Variants in LCT observed in about 807,000 individuals in gnomAD.
LCT encodes lactase/phlorizin hydrolase.
Under a neutral mutation model 173.0 loss-of-function variants are expected in LCT, and 90 were observed. That is an observed-to-expected ratio of 0.52 (90% CI 0.44 to 0.62). The LOEUF is 0.62. LCT is among the 20% of genes least tolerant of loss of function. The pLI is 0.00. For synonymous variants in LCT, 853 were observed against 957.6 expected (o/e 0.89, Z 2.02); for missense variants, 1,864 against 2,431.4 (o/e 0.77, Z 4.91).
intron 6 of LCT, among the ~76,000 whole-genome samples, chr2:135,815,369 T>A (rs1376370277): frequency 6.6e-6 from 1 of 151,726 alleles, no homozygotes; most frequent in African/African-American, 2.4e-5. Context: ...AAGGTTTAGA[T>A]AAGTTTTACA....
chr2:135,805,074 A>G lies in LCT; in HGVS notation c.4174-17T>C, dbSNP rs2077658861. 5.6e-6 allele frequency: 9 copies of G among 1,613,156 alleles called. No individual in the cohort carries two copies. The highest frequency in any genetic ancestry group is 1.3e-5 in the African/African-American group (1 of 74,906). On this transcript the variant is annotated splice_polypyrimidine_tract_variant and intron_variant, in intron 9 of 16. Transcript: ENST00000264162. Reference sequence around the variant, plus strand: ...ACCTTCAATCTCAAGATGACAAGACATGGTCTTATTAAGTCATTCAGTCAA... The same window carrying G: ...ACCTTCAATCTCAAGATGACAAGACGTGGTCTTATTAAGTCATTCAGTCAA...
intron 1 of LCT, among the ~76,000 whole-genome samples, chr2:135,834,098 T>A (rs2077963033): frequency 2.0e-5 from 3 of 152,198 alleles, no homozygotes; most frequent in Admixed American, 1.3e-4. Flanking sequence ...CTATGCCACG[T>A]CTCGTTTATC....
In LCT at chr2:135,824,647, G is replaced by T. The variant is rs1462504291; in HGVS notation, c.805-644C>A. Among the ~76,000 whole-genome samples the T allele has an allele frequency of 2.0e-5, 3 of 152,222 alleles. No individual in the cohort carries two copies. In the East Asian group the frequency reaches 5.8e-4, roughly 29 times the overall value. On this transcript the variant is annotated intron_variant, in intron 3 of 16. Coordinates refer to ENST00000264162, the MANE Select transcript of LCT (RefSeq NM_002299.4). ...AATAATAGCTCTTGCAGCTGGAGAT[G>T]GCTTCGTAGGGGTTCATCATTCTTT...
Position 135,809,076 on chromosome 2 carries a change from A to G in LCT, c.3271T>C (p.Tyr1091His). The stretch of plus-strand genomic sequence containing the variant: ...TTGATGACGGCGTGGGCTATCCTAT[A>G]TGGTGCCCAGCCTGGGTCCTTCACC... The part of the protein sequence containing the change: ...PGVKDPGWAP[Y>H]RIAHAVIKAH... The change falls in exon 8 of 17, where the codon TAT becomes CAT. Residue 1091 changes from tyrosine to histidine, a missense_variant. This residue lies in a region of LCT where 755 missense variants were observed against 926.3 expected (regional missense o/e 0.82). Transcript: ENST00000264162. This position sits in a 1 kb window ranked among gnomAD's most constrained non-coding sequence, Gnocchi z 5.5. 6.2e-7 allele frequency: 1 copy of G among 1,613,828 alleles called. No homozygotes were observed.
At chr2:135,810,088 T>G in intron 7 of LCT, 95 bp from the exon 8 acceptor site, 1 of 834,526 alleles carries the variant, frequency 1.2e-6, no homozygotes, top group East Asian at 2.7e-5. Flanking sequence ...CTCAAACTCC[T>G]GGACTCAAGT....
At chr2:135,834,954 A>G (rs2077973737) in intron 1 of LCT, among the ~76,000 whole-genome samples, 1 of 152,102 alleles carries the variant, frequency 6.6e-6, no homozygotes. Context: ...GTAATTTTAT[A>G]ACTGTTCGTA....
intron 11 of LCT, among the ~76,000 whole-genome samples, chr2:135,801,720 C>T (rs1320472761): frequency 6.6e-6 from 1 of 151,380 alleles, no homozygotes; most frequent in Non-Finnish European, 1.5e-5. Flanking sequence ...ACTGCAGGCG[C>T]ATGCCACCAC....
rs1191590708 is a variant in LCT, at chr2:135,836,936, ACTG to A, written c.231_233del (p.Ser78del). 3.1e-6 allele frequency: 5 copies of A among 1,614,028 alleles called. No homozygotes were observed. The African/African-American group carries it at 6.7e-5, about 22-fold the overall frequency. On this transcript the variant is annotated inframe_deletion, in exon 1 of 17. Coordinates refer to ENST00000264162, the MANE Select transcript of LCT (RefSeq NM_002299.4). Reference sequence around the variant, plus strand: ...AATGGGTGATCTGACTGGCATGGAGACTGCTGAAGTATTCTGGCAGGAAAGTGG... The same window carrying A: ...AATGGGTGATCTGACTGGCATGGAGACTGAAGTATTCTGGCAGGAAAGTGG...
intron 2 of LCT, among the ~76,000 whole-genome samples, chr2:135,829,983 G>A (rs1011464354): frequency 2.0e-5 from 3 of 152,196 alleles, no homozygotes; most frequent in African/African-American, 7.2e-5. Flanking sequence ...GCGTGAAGGA[G>A]TGTGTATGCC....
chr2:135,809,116 C>G lies in LCT; in HGVS notation c.3231G>C (p.Gly1077=). The change falls in exon 8 of 17, where the codon GGG becomes GGC. Residue 1077 remains glycine (G), a synonymous_variant. Transcript: ENST00000264162. The surrounding 1 kb of genome is among the most constrained non-coding windows in gnomAD (Gnocchi z 5.5). ...GGTCCTTCACCCCTGGGGGAAATTCCCCTGAGCCATAACCTAGCCATGCCA... is the reference window on the plus strand; with the variant it reads ...GGTCCTTCACCCCTGGGGGAAATTCGCCTGAGCCATAACCTAGCCATGCCA... ...MYLAWLGYGS[G]EFPPGVKDPG... 2 of 1,614,142 alleles carry G rather than the reference C, an allele frequency of 1.2e-6. No homozygotes were observed. Among genetic ancestry groups the G allele is most frequent in the Non-Finnish European group, 1.7e-6 (2 of 1,180,028 alleles).
chr2:135,826,945 A>G (rs2077893803), intron 3 of LCT, among the ~76,000 whole-genome samples: 1 of 152,064 alleles, frequency 6.6e-6, no homozygotes, highest in South Asian at 2.1e-4. Flanking sequence ...TACCACCCTC[A>G]TTATCATGTT....
In LCT at chr2:135,794,711, T is replaced by A; in HGVS notation, c.5041A>T (p.Asn1681Tyr). 1 of 1,614,150 alleles carries A rather than the reference T, an allele frequency of 6.2e-7. No homozygotes were observed. The highest frequency in any genetic ancestry group is 8.5e-7 in the Non-Finnish European group (1 of 1,179,982). ...INGTYDFFGF[N>Y]HYTTVLAYNL... ...TAGGCGAGGACAGTGGTGTAGTGAT[T>A]GAACCCAAAAAAGTCATAGGTGCCG... The change falls in exon 14 of 17, where the codon AAT (asparagine) becomes TAT (tyrosine). Residue 1681 changes from asparagine (N) to tyrosine (Y), a missense_variant. Physicochemically the swap from Asn to Tyr is moderately radical, Grantham distance 143. Around this residue, in one of 4 missense-constraint regions of LCT, gnomAD observed 514 missense variants for 750.1 expected, o/e 0.69. Coordinates refer to ENST00000264162, the MANE Select transcript of LCT (RefSeq NM_002299.4).
At chr2:135,832,095 A>G (rs1011760979) in intron 2 of LCT, among the ~76,000 whole-genome samples, 1 of 152,072 alleles carries the variant, frequency 6.6e-6, no homozygotes, top group Admixed American at 6.6e-5. Context: ...GCACACCTGT[A>G]ATCCCAGCTA....
chr2:135,805,197 G>A, intron 9 of LCT, 140 bp from the exon 10 acceptor site: 1 of 873,120 alleles, frequency 1.1e-6, no homozygotes, highest in Admixed American at 2.0e-5. Flanking sequence ...ATTGGTCCAT[G>A]TGTGGTGGCT....
Position 135,804,044 on chromosome 2 carries a change from C to T in LCT, c.4549G>A (p.Glu1517Lys). ...CTCTGGAAGAGCACATCTGCATACT[C>T]CTTAAACCGCTGCACGATGGTCTCA... ...ENETIVQRFK[E>K]YADVLFQRLG... The change falls in exon 11 of 17, where the codon GAG becomes AAG. Residue 1517 changes from glutamate to lysine, a missense_variant. Transcript: ENST00000264162. The T allele has an allele frequency of 6.2e-7, 1 of 1,614,088 alleles. No individual in the cohort carries two copies. The highest frequency in any genetic ancestry group is 8.5e-7 in the Non-Finnish European group (1 of 1,179,946).
At chr2:135,821,948 T>C (rs953398162) in intron 5 of LCT, 72 bp downstream of exon 5, 2 of 923,220 alleles carry the variant, frequency 2.2e-6, no homozygotes, top group Non-Finnish European at 3.6e-6. Context: ...CCTATAAGAT[T>C]ATACATGTAA....
intron 9 of LCT, among the ~76,000 whole-genome samples, chr2:135,806,220 T>A (rs951682439): frequency 6.6e-6 from 1 of 151,990 alleles, no homozygotes; most frequent in African/African-American, 2.4e-5. Context: ...GAACTCCTCG[T>A]CTCGAGCGAT....
Position 135,836,872 on chromosome 2 carries a change from C to G in LCT, c.298G>C (p.Gly100Arg). 1 of 1,614,174 alleles carries G rather than the reference C, an allele frequency of 6.2e-7. No homozygotes were observed. Among genetic ancestry groups the G allele is most frequent in the Non-Finnish European group, 8.5e-7 (1 of 1,180,034 alleles). Residue 100 changes from glycine to arginine, a missense_variant, in exon 1 of 17, where the codon GGA becomes CGA. By Grantham distance (125) the Gly-to-Arg change is moderately radical. Coordinates refer to ENST00000264162, the MANE Select transcript of LCT (RefSeq NM_002299.4). The part of the protein sequence containing the change: ...FLSWAQLLPA[G>R]STQNPDEKTV... ...TTCTCGTCTGGATTCTGGGTGCTTC[C>G]TGCTGGGAGGAGCTGTGCCCATGAC...
intron 14 of LCT, among the ~76,000 whole-genome samples, chr2:135,792,446 A>G (rs182531799): frequency 4.1e-4 from 62 of 152,348 alleles, no homozygotes; most frequent in Admixed American, 1.0e-3. Flanking sequence ...GCCACAGCCA[A>G]CAGTGTGGGC....
Sources: allele counts gnomAD v4.1 joint callset (sites outside exome capture counted in the v4.1 genomes callset), GRCh38; gene constraint gnomAD v4.1.1; regional missense constraint gnomAD v4.1.1; non-coding constraint Gnocchi (gnomAD v3.1); transcripts MANE v1.5; gene names NCBI Gene and HGNC (gene_info 2026-07-23, HGNC 2026-07-21).